The following DAP3 variants were observed in gnomAD, a reference collection of about 807,000 sequenced individuals.
The protein encoded by DAP3 is death associated protein 3.
A neutral mutation model predicts 51.9 loss-of-function variants in DAP3; 28 were observed. The ratio of observed to expected loss-of-function variants is 0.54; its 90% confidence interval spans 0.40 to 0.74. The LOEUF (loss-of-function observed/expected upper bound fraction) is 0.74. DAP3 is among the 30% of genes least tolerant of loss of function. The pLI, the probability that DAP3 is intolerant of heterozygous loss-of-function variation, is 0.00. For synonymous variants in DAP3, 170 were observed against 170.3 expected, an observed-to-expected ratio of 1.00 and a Z score of 0.01; for missense variants, 458 against 483.5, an observed-to-expected ratio of 0.95 and a Z score of 0.49.
Position 155,689,452 on chromosome 1 carries a change from G to A in DAP3, c.-8+278G>A. 4 of 462,548 alleles carry A rather than the reference G, an allele frequency of 8.6e-6. No homozygotes were observed. In the Admixed American group the frequency reaches 9.4e-5, roughly 11 times the overall value. The allele number at this position is 462,548 out of a possible 1,614,324, so 28.7% of individuals were successfully genotyped here. On this transcript the variant is annotated intron_variant, in intron 1 of 12. Coordinates refer to ENST00000368336, the MANE Select transcript of DAP3 (RefSeq NM_004632.4). ...GCACTTACTCATGGATGGTACTTCA[G>A]CCTCGTTAGACAGCCTGGTGATGGA...
chr1:155,710,771 G>C (rs1020778260), intron 2 of DAP3, among the ~76,000 whole-genome samples: 10 of 152,110 alleles, frequency 6.6e-5, no homozygotes, highest in Admixed American at 6.6e-4. Context: ...AAGCCCACAC[G>C]AGATGCCAGG....
In DAP3 at chr1:155,701,116, C is replaced by T. The variant is rs1202302875; in HGVS notation, c.-7-8657C>T. ...CCGGGAGGTGAGGGGCGCCTCTGCC[C>T]GGCCGCCCCTACTGGGAAGTGAGTA... On this transcript the variant is annotated intron_variant, in intron 1 of 12. Coordinates refer to ENST00000368336, the MANE Select transcript of DAP3 (RefSeq NM_004632.4). Among the ~76,000 whole-genome samples, 4 of 128,546 alleles carry T rather than the reference C, an allele frequency of 3.1e-5. No individual in the cohort carries two copies. The East Asian group carries it at 9.1e-4, about 29-fold the overall frequency. The allele number at this position is 128,546 out of a possible 152,430, so 84.3% of individuals were successfully genotyped here.
rs1655600520 is a variant in DAP3 at position 155,703,673 on chromosome 1, G to C, written c.-7-6100G>C. On this transcript the variant is annotated intron_variant, in intron 1 of 12. Coordinates refer to ENST00000368336, the MANE Select transcript of DAP3 (RefSeq NM_004632.4). ...CTGCCTCAGCCTCCTGAGTATCTGGGACTACAGGCGCCCGCCACCACACCC... is the reference window on the plus strand; with the variant it reads ...CTGCCTCAGCCTCCTGAGTATCTGGCACTACAGGCGCCCGCCACCACACCC... Among the ~76,000 whole-genome samples the C allele has an allele frequency of 3.3e-5, 5 of 151,994 alleles. No homozygotes were observed. The South Asian group carries it at 1.0e-3, about 32-fold the overall frequency.
chr1:155,717,166 T>C, intron 3 of DAP3, 38 bp downstream of exon 3: 14 of 1,596,838 alleles, frequency 8.8e-6, no homozygotes, highest in Non-Finnish European at 1.1e-5. Flanking sequence ...TCTCAGGGCT[T>C]ATGATTTGTG....
upstream of DAP3, chr1:155,689,060 CG>C: frequency 6.5e-7 from 1 of 1,528,656 alleles, no homozygotes; most frequent in East Asian, 2.4e-5. Flanking sequence ...CGCGTTGAGT[CG>C]TTTCCTGCCG....
At chr1:155,693,844 G>T (rs12073202) in intron 1 of DAP3, among the ~76,000 whole-genome samples, 1 of 140,774 alleles carries the variant, frequency 7.1e-6, no homozygotes, top group Admixed American at 6.6e-5. Context: ...GCCTGTAATC[G>T]CAGCTACTTG....
At position 155,691,215 on chromosome 1, in the gene DAP3, C is replaced by T. The variant is rs116559345; in HGVS notation, c.-8+2041C>T. Among the ~76,000 whole-genome samples the T allele has an allele frequency of 5.3e-3, 747 of 141,886 alleles. 208 individuals are homozygous for T. The highest frequency in any genetic ancestry group is 0.023 in the African/African-American group (721 of 31,436). The allele number at this position is 141,886 out of a possible 152,430, so 93.1% of individuals were successfully genotyped here. A position where few individuals can be genotyped will look rare whatever the true frequency, so the allele number is the denominator to read the frequency against. The stretch of plus-strand genomic sequence containing the variant: ...AGCCACCATGCCCAGCCTCCACTAT[C>T]GAACTTTAGAACATTTTTTATCACC... On this transcript the variant is annotated intron_variant, in intron 1 of 12. Transcript: ENST00000368336.
Position 155,729,051 on chromosome 1 carries a change from C to A in DAP3, c.613C>A (p.Gln205Lys). 6.2e-7 allele frequency: 1 copy of A among 1,612,928 alleles called. No homozygotes were observed. Residue 205 changes from glutamine to lysine, a missense_variant, in exon 8 of 13, where the codon CAA becomes AAA. By Grantham distance (53) the Gln-to-Lys change is moderately conservative. Coordinates refer to ENST00000368336, the MANE Select transcript of DAP3 (RefSeq NM_004632.4). ...NERFLNQIKV[Q>K]EKYVWNKRES... The stretch of plus-strand genomic sequence containing the variant: ...CTTTGCTTGCTTTTAGATAAAAGTT[C>A]AAGAGAAGTATGTCTGGAATAAGAG...
chr1:155,726,285 AT>A (rs1174524977), intron 6 of DAP3: 18,826 of 120,434 alleles, frequency 0.16, 1,281 homozygotes, highest in African/African-American at 0.3. Context: ...CGCCCAGCTA[AT>A]TTTTTTTTTT....
Position 155,729,194 on chromosome 1 carries a change from G to C in DAP3, c.685-14G>C. ...GCCTCTGGTAGCACTACAATCCACTGTCTCTCCCAATAGGGCATAACACGG... is the reference window on the plus strand; with the variant it reads ...GCCTCTGGTAGCACTACAATCCACTCTCTCTCCCAATAGGGCATAACACGG... On this transcript the variant is annotated splice_polypyrimidine_tract_variant and intron_variant, in intron 8 of 12. Coordinates refer to ENST00000368336, the MANE Select transcript of DAP3 (RefSeq NM_004632.4). 2 of 1,614,114 alleles carry C rather than the reference G, an allele frequency of 1.2e-6. No homozygotes were observed. Among genetic ancestry groups the C allele is most frequent in the Non-Finnish European group, 1.7e-6 (2 of 1,180,016 alleles).
chr1:155,701,569 A>G (rs1416366655), intron 1 of DAP3, among the ~76,000 whole-genome samples: 1 of 125,472 alleles, frequency 8.0e-6, no homozygotes, highest in Non-Finnish European at 1.6e-5. Context: ...TCTGCCTAGG[A>G]AAACCAGAGA....
At chr1:155,688,064 T>C (rs1652787009), upstream of DAP3, 6 of 1,571,944 alleles carry the variant, frequency 3.8e-6, no homozygotes, top group Admixed American at 9.0e-5. Context: ...CAAATCGTTC[T>C]ACTCACCGTG....
chr1:155,724,744 G>A (rs1049804774), intron 4 of DAP3, among the ~76,000 whole-genome samples: 1 of 151,966 alleles, frequency 6.6e-6, no homozygotes, highest in African/African-American at 2.4e-5. Flanking sequence ...GTCACCTGAG[G>A]TCGGGAGTTT....
At chr1:155,728,275 A>C (rs375153860) in intron 7 of DAP3, among the ~76,000 whole-genome samples, 11 of 152,250 alleles carry the variant, frequency 7.2e-5, no homozygotes, top group African/African-American at 2.4e-4. Flanking sequence ...GAAAGCATTC[A>C]CTTTGGTCAG....
intron 2 of DAP3, among the ~76,000 whole-genome samples, chr1:155,712,612 CAAAAAAA>C (rs61338392): frequency 1.8e-5 from 1 of 55,520 alleles, no homozygotes; most frequent in African/African-American, 7.2e-5. Context: ...AACTCCGTCT[CAAAAAAA>C]AAAAAAAAAA....
At chr1:155,688,930 C>T, upstream of DAP3, 1 of 1,613,134 alleles carries the variant, frequency 6.2e-7, no homozygotes, top group Non-Finnish European at 8.5e-7. Flanking sequence ...GACAACCTAC[C>T]TCCCTGGGTT....
chr1:155,701,660 C>A, intron 1 of DAP3, among the ~76,000 whole-genome samples: 1 of 129,312 alleles, frequency 7.7e-6, no homozygotes, highest in Non-Finnish European at 1.6e-5. Context: ...GTGAGAAACA[C>A]CCAAGAATTA....
chr1:155,722,088 T>A (rs1484350298), intron 4 of DAP3: 2 of 174,270 alleles, frequency 1.1e-5, no homozygotes, highest in South Asian at 1.5e-4. Flanking sequence ...GTGGTTTATT[T>A]CGGGAAATTA....
chr1:155,688,761 C>A, upstream of DAP3: 1 of 1,523,448 alleles, frequency 6.6e-7, no homozygotes, highest in Non-Finnish European at 8.8e-7. Context: ...CCGCCGCCAG[C>A]ACCCCCACCC....
Sources: gnomAD v4.1 joint callset for allele counts (sites outside exome capture counted in the v4.1 genomes callset) on GRCh38, gnomAD v4.1.1 for gene constraint, MANE v1.5 for transcripts, NCBI Gene and HGNC (gene_info 2026-07-23, HGNC 2026-07-21) for gene names.